AKAP19: variants seen among roughly 807,000 people sequenced by gnomAD.
AKAP19 encodes A-kinase anchoring protein 19.
the AKAP19 span, among the ~76,000 whole-genome samples, chr2:190,145,049 C>A: frequency 2.6e-5 from 4 of 152,120 alleles, no homozygotes; most frequent in African/African-American, 9.7e-5. Flanking sequence ...CTTTGAGAGG[C>A]TAAGATGGGA....
the AKAP19 span, among the ~76,000 whole-genome samples, chr2:189,942,426 C>A: frequency 6.6e-6 from 1 of 152,216 alleles, no homozygotes; most frequent in African/African-American, 2.4e-5. Flanking sequence ...CCAATTAAAT[C>A]TCTTTTCTCT....
chr2:190,165,505 A>G, the AKAP19 span, among the ~76,000 whole-genome samples: 1 of 152,198 alleles, frequency 6.6e-6, no homozygotes, highest in African/African-American at 2.4e-5. Context: ...GAAAAAAAAT[A>G]CCGTAACAAA....
At chr2:189,901,241 G>A in the AKAP19 span, among the ~76,000 whole-genome samples, 1 of 150,140 alleles carries the variant, frequency 6.7e-6, no homozygotes. Context: ...ATATTAGAGA[G>A]TTTTTTTTTT....
At chr2:190,034,111 A>T in the AKAP19 span, among the ~76,000 whole-genome samples, 1 of 20,886 alleles carries the variant, frequency 4.8e-5, no homozygotes, top group African/African-American at 1.1e-4. Flanking sequence ...ATAAAAAATT[A>T]TAAAGTCAAA....
the AKAP19 span, among the ~76,000 whole-genome samples, chr2:190,100,077 C>T: frequency 6.6e-6 from 1 of 152,168 alleles, no homozygotes; most frequent in Non-Finnish European, 1.5e-5. Flanking sequence ...TTACAGGCTT[C>T]AGACTGTAGG....
At chr2:190,051,390 C>T in the AKAP19 span, among the ~76,000 whole-genome samples, 1 of 152,182 alleles carries the variant, frequency 6.6e-6, no homozygotes, top group African/African-American at 2.4e-5. Flanking sequence ...CAGCCACTGT[C>T]ACAATCACTG....
the AKAP19 span, among the ~76,000 whole-genome samples, chr2:189,991,407 T>C: frequency 6.6e-6 from 1 of 152,246 alleles, no homozygotes; most frequent in Non-Finnish European, 1.5e-5. Context: ...AGTAAGGTAG[T>C]ATCTCATTGT....
At chr2:190,124,919 A>G in the AKAP19 span, among the ~76,000 whole-genome samples, 1 of 152,080 alleles carries the variant, frequency 6.6e-6, no homozygotes, top group Non-Finnish European at 1.5e-5. Context: ...GAAGACAAAA[A>G]CACACACATT....
chr2:190,078,063 G>C, the AKAP19 span, among the ~76,000 whole-genome samples: 1 of 152,216 alleles, frequency 6.6e-6, no homozygotes, highest in East Asian at 1.9e-4. Flanking sequence ...TCAGATTCAA[G>C]GGGACCTCTA....
chr2:189,972,061 C>G, the AKAP19 span, among the ~76,000 whole-genome samples: 2 of 152,156 alleles, frequency 1.3e-5, no homozygotes, highest in Non-Finnish European at 2.9e-5. Flanking sequence ...TTGCCCATTC[C>G]TATGTCCTGA....
the AKAP19 span, among the ~76,000 whole-genome samples, chr2:190,159,160 T>G: frequency 6.6e-6 from 1 of 152,056 alleles, no homozygotes; most frequent in African/African-American, 2.4e-5. Flanking sequence ...AAGTTATGAT[T>G]AGTAGCGACT....
the AKAP19 span, among the ~76,000 whole-genome samples, chr2:190,139,622 G>T: frequency 6.6e-6 from 1 of 152,054 alleles, no homozygotes; most frequent in African/African-American, 2.4e-5. Context: ...AGAGGGAAAA[G>T]CTCCTTATAA....
the AKAP19 span, among the ~76,000 whole-genome samples, chr2:189,908,121 T>C: frequency 6.6e-6 from 1 of 152,018 alleles, no homozygotes; most frequent in Non-Finnish European, 1.5e-5. Context: ...TTTCCTCTTC[T>C]AGTACCTTAA....
the AKAP19 span, among the ~76,000 whole-genome samples, chr2:190,069,465 A>AT: frequency 1.3e-5 from 2 of 152,050 alleles, no homozygotes; most frequent in African/African-American, 2.4e-5. Flanking sequence ...AAAAATAATA[A>AT]TTTTTTTGAT....
At chr2:189,975,582 A>C in the AKAP19 span, among the ~76,000 whole-genome samples, 116 of 152,304 alleles carry the variant, frequency 7.6e-4, no homozygotes, top group East Asian at 0.019. Flanking sequence ...GTGTTTTCCA[A>C]CTTGGTTCCA....
chr2:190,104,267 A>G, the AKAP19 span, among the ~76,000 whole-genome samples: 2 of 152,210 alleles, frequency 1.3e-5, no homozygotes, highest in African/African-American at 4.8e-5. Flanking sequence ...CATTCTGGAC[A>G]TTGGCCTTGG....
chr2:190,158,090 C>T, the AKAP19 span, among the ~76,000 whole-genome samples: 2 of 152,224 alleles, frequency 1.3e-5, no homozygotes, highest in Non-Finnish European at 2.9e-5. Context: ...TTCTGTTTCT[C>T]TATGACCACT....
chr2:189,895,504 C>T, the AKAP19 span, among the ~76,000 whole-genome samples: 1 of 152,106 alleles, frequency 6.6e-6, no homozygotes, highest in Non-Finnish European at 1.5e-5. Context: ...GAGCCTAACC[C>T]AGAAGGCAAT....
chr2:189,904,642 C>T, the AKAP19 span, among the ~76,000 whole-genome samples: 1 of 151,770 alleles, frequency 6.6e-6, no homozygotes. Context: ...AATTGTTTTC[C>T]AAATTTTTAT....
Sources: gnomAD v4.1 joint callset for allele counts (sites outside exome capture counted in the v4.1 genomes callset) on GRCh38, gnomAD v4.1.1 for gene constraint, MANE v1.5 for transcripts, NCBI Gene and HGNC (gene_info 2026-07-23, HGNC 2026-07-21) for gene names.